The following PCDHA3 variants were observed in gnomAD, a reference collection of about 807,000 sequenced individuals.
PCDHA3 encodes protocadherin alpha-3.
A neutral mutation model predicts 62.2 loss-of-function variants in PCDHA3; 41 were observed. The observed-to-expected ratio is 0.66, with a 90% CI of 0.51 to 0.86. The LOEUF (loss-of-function observed/expected upper bound fraction) is 0.86, where lower values mean the gene tolerates loss of function less well. Ranked by LOEUF, PCDHA3 falls within the 40% of genes least tolerant of loss-of-function variation. The pLI is 0.00. For synonymous variants in PCDHA3, 640 were observed against 555.4 expected (o/e 1.15, Z -2.14); for missense variants, 1,304 against 1,241.2 (o/e 1.05, Z -0.76).
chr5:140,926,811 C>T, intron 1 of PCDHA3: 3 of 1,464,260 alleles, frequency 2.0e-6, no homozygotes, highest in Admixed American at 5.2e-5. Flanking sequence ...CCCCGCGGCT[C>T]GTGCTCTCCA....
intron 3 of PCDHA3, among the ~76,000 whole-genome samples, chr5:141,007,652 A>T (rs2098338412): frequency 6.6e-6 from 1 of 152,112 alleles, no homozygotes; most frequent in African/African-American, 2.4e-5. Flanking sequence ...TGCCTAAAAA[A>T]CCATAAATTT....
At chr5:140,878,933 A>G (rs2057778648) in intron 1 of PCDHA3, among the ~76,000 whole-genome samples, 2 of 152,224 alleles carry the variant, frequency 1.3e-5, no homozygotes, top group Admixed American at 1.3e-4. Context: ...AATAATTTTA[A>G]ATAAATATAT....
intron 1 of PCDHA3, among the ~76,000 whole-genome samples, chr5:140,912,042 A>G (rs782622902): frequency 6.6e-6 from 1 of 152,216 alleles, no homozygotes; most frequent in African/African-American, 2.4e-5. Flanking sequence ...CCAAGTCCCA[A>G]AGCTGAAGAA....
At chr5:140,968,152 C>A (rs782362724) in intron 1 of PCDHA3, 6 of 1,614,054 alleles carry the variant, frequency 3.7e-6, no homozygotes, top group Non-Finnish European at 1.7e-6. Flanking sequence ...TCTCTGACAT[C>A]AATGACAATC....
At chr5:140,824,706 C>T (rs1214365803) in intron 1 of PCDHA3, 3 of 149,174 alleles carry the variant, frequency 2.0e-5, no homozygotes, top group Admixed American at 6.7e-5. Flanking sequence ...GCCATGCTCC[C>T]GTCTCAGCCT....
intron 1 of PCDHA3, chr5:140,843,752 T>C: frequency 6.6e-7 from 1 of 1,516,544 alleles, no homozygotes; most frequent in South Asian, 1.2e-5. Context: ...TAAATTCTAT[T>C]TGTGGAAATT....
chr5:140,917,067 C>T (rs375970452), intron 1 of PCDHA3, among the ~76,000 whole-genome samples: 3 of 152,178 alleles, frequency 2.0e-5, no homozygotes, highest in African/African-American at 4.8e-5. Context: ...ACGACAGCAC[C>T]GAGTTTAATG....
At chr5:140,893,575 T>C (rs930167579) in intron 1 of PCDHA3, among the ~76,000 whole-genome samples, 6 of 152,220 alleles carry the variant, frequency 3.9e-5, no homozygotes, top group Non-Finnish European at 7.3e-5. Flanking sequence ...CCTCAGTTTT[T>C]GCTTGTTTGG....
intron 1 of PCDHA3, chr5:140,927,546 A>G (rs1554204713): frequency 6.2e-7 from 1 of 1,614,146 alleles, no homozygotes; most frequent in Non-Finnish European, 8.5e-7. Flanking sequence ...GAGACGCACA[A>G]GTCACCATCA....
At chr5:140,829,701 C>G in intron 1 of PCDHA3, 1 of 1,613,356 alleles carries the variant, frequency 6.2e-7, no homozygotes, top group East Asian at 2.2e-5. Context: ...CAGGTGAGCG[C>G]GCGCGACGCG....
intron 1 of PCDHA3, chr5:140,858,289 T>G: frequency 6.3e-7 from 1 of 1,597,184 alleles, no homozygotes; most frequent in African/African-American, 1.3e-5. Context: ...GGAGCTGGTC[T>G]TACTCGCAGC....
At chr5:140,816,032 G>A (rs1005229860) in intron 1 of PCDHA3, 2 of 152,120 alleles carry the variant, frequency 1.3e-5, no homozygotes, top group Non-Finnish European at 2.9e-5. Context: ...GGATCTTGAT[G>A]TCCATTTCCT....
At chr5:140,885,203 C>A (rs1348633653) in intron 1 of PCDHA3, among the ~76,000 whole-genome samples, 2 of 151,986 alleles carry the variant, frequency 1.3e-5, no homozygotes, top group African/African-American at 2.4e-5. Flanking sequence ...TCTCATATAT[C>A]CCATGAAAAA....
chr5:140,882,985 C>T (rs1554176359), intron 1 of PCDHA3: 14 of 1,614,110 alleles, frequency 8.7e-6, no homozygotes, highest in Non-Finnish European at 1.1e-5. Flanking sequence ...ATGACAACGC[C>T]CCGGAATTTT....
chr5:140,850,299 G>A, intron 1 of PCDHA3: 1 of 1,596,610 alleles, frequency 6.3e-7, no homozygotes, highest in Non-Finnish European at 8.6e-7. Flanking sequence ...CGCCGACTCG[G>A]GCTACAACGC....
At chr5:140,951,597 C>T (rs1445745403) in intron 1 of PCDHA3, among the ~76,000 whole-genome samples, 1 of 152,098 alleles carries the variant, frequency 6.6e-6, no homozygotes, top group East Asian at 1.9e-4. Flanking sequence ...ATCTCTCTCA[C>T]TGTTATGAGA....
chr5:140,829,961 G>A (rs1770713142), intron 1 of PCDHA3: 5 of 1,613,876 alleles, frequency 3.1e-6, no homozygotes, highest in African/African-American at 2.7e-5. Flanking sequence ...CCCGTTTCGC[G>A]TGGGGCTGTA....
chr5:140,946,271 A>G (rs2093916351), intron 1 of PCDHA3, among the ~76,000 whole-genome samples: 1 of 152,058 alleles, frequency 6.6e-6, no homozygotes, highest in Non-Finnish European at 1.5e-5. Context: ...GCGAATTAAA[A>G]CCCCAATGAG....
chr5:140,875,891 T>C (rs781902632), intron 1 of PCDHA3: 3 of 1,614,008 alleles, frequency 1.9e-6, no homozygotes, highest in Non-Finnish European at 2.5e-6. Context: ...GAACAAAAGG[T>C]ACCTGTTTCT....
Sources: allele counts gnomAD v4.1 joint callset (sites outside exome capture counted in the v4.1 genomes callset), GRCh38; gene constraint gnomAD v4.1.1; transcripts MANE v1.5; gene names NCBI Gene and HGNC (gene_info 2026-07-23, HGNC 2026-07-21).